C12orf50: variants seen among roughly 807,000 people sequenced by gnomAD.
The protein encoded by C12orf50 is uncharacterized protein C12orf50.
Under a neutral mutation model 61.6 loss-of-function variants are expected in C12orf50, and 35 were observed. That is an observed-to-expected ratio of 0.57 (90% confidence interval 0.43 to 0.75). The LOEUF is 0.75. Among genes scored for constraint, C12orf50 ranks in the 30% least tolerant of loss-of-function variants. C12orf50 has a pLI of 0.00. For missense variants in C12orf50, 475 were observed against 488.5 expected, an observed-to-expected ratio of 0.97 and a Z score of 0.26; for synonymous variants, 178 against 161.5, an observed-to-expected ratio of 1.10 and a Z score of -0.77.
At position 87,980,170 on chromosome 12, in the gene C12orf50, C is replaced by T. The variant is rs2030385008; in HGVS notation, c.*161G>A. The T allele has an allele frequency of 2.5e-5, 17 of 675,172 alleles. No homozygotes were observed. The South Asian group carries it at 2.9e-4, about 12-fold the overall frequency. 41.8% of individuals were successfully genotyped at this position (675,172 alleles called of 1,614,324 possible). A position where few individuals can be genotyped will look rare whatever the true frequency, so the allele number is the denominator to read the frequency against. Reference sequence around the variant, plus strand: ...AGTTTTGAAAGAGCACAATGTACTTCCTGCATCTTATTTTCAGAATTTGCA... The same window carrying T: ...AGTTTTGAAAGAGCACAATGTACTTTCTGCATCTTATTTTCAGAATTTGCA... On this transcript the variant is annotated 3_prime_UTR_variant, in exon 13 of 13. Transcript: ENST00000298699.
At chr12:88,013,899 A>G (rs2032207326) in intron 3 of C12orf50, among the ~76,000 whole-genome samples, 1 of 152,234 alleles carries the variant, frequency 6.6e-6, no homozygotes, top group Non-Finnish European at 1.5e-5. Flanking sequence ...ACGTGGAGCC[A>G]GAACTGAGAG....
chr12:87,993,562 C>G (rs1278258260), intron 7 of C12orf50, among the ~76,000 whole-genome samples: 1 of 152,036 alleles, frequency 6.6e-6, no homozygotes, highest in Non-Finnish European at 1.5e-5. Flanking sequence ...AATCAAATTA[C>G]CTTAGCACCA....
intron 3 of C12orf50, among the ~76,000 whole-genome samples, chr12:88,013,978 G>A (rs2032210781): frequency 1.3e-5 from 2 of 152,100 alleles, no homozygotes; most frequent in African/African-American, 4.8e-5. Context: ...AAGAGAACAA[G>A]TTTCAGAAAA....
At chr12:87,986,567 G>A in intron 9 of C12orf50, 151 bp from the exon 10 acceptor site, 1 of 457,304 alleles carries the variant, frequency 2.2e-6, no homozygotes, top group Non-Finnish European at 3.7e-6. Flanking sequence ...TAGAACAAAA[G>A]GTGATTTATT....
intron 3 of C12orf50, among the ~76,000 whole-genome samples, chr12:88,017,637 TG>T (rs1378907508): frequency 2.0e-5 from 3 of 152,174 alleles, no homozygotes; most frequent in Non-Finnish European, 2.9e-5. Context: ...CAGAAAAATG[TG>T]GGAAAGTTTG....
chr12:88,018,497 A>G (rs1284696097), intron 3 of C12orf50, among the ~76,000 whole-genome samples: 1 of 152,220 alleles, frequency 6.6e-6, no homozygotes, highest in Non-Finnish European at 1.5e-5. Context: ...GTGGGGCCAG[A>G]GCTGCTACAC....
intron 1 of C12orf50, chr12:88,028,013 T>G (rs2136511686): frequency 6.6e-6 from 1 of 152,348 alleles, no homozygotes; most frequent in Middle Eastern, 3.4e-3. Context: ...ACAAAGTTAA[T>G]ACTTAACTCA....
At chr12:87,991,407 C>T (rs2031114097) in intron 7 of C12orf50, among the ~76,000 whole-genome samples, 2 of 151,980 alleles carry the variant, frequency 1.3e-5, no homozygotes, top group Admixed American at 6.6e-5. Flanking sequence ...AAATAGAGAA[C>T]TGATGGAGAA....
intron 3 of C12orf50, among the ~76,000 whole-genome samples, chr12:87,999,644 G>T (rs1211850902): frequency 6.6e-6 from 1 of 152,078 alleles, no homozygotes; most frequent in Non-Finnish European, 1.5e-5. Context: ...GTCATCACAT[G>T]TCCCATCTAT....
rs116424812 is a variant in C12orf50, at chr12:87,982,114, A to G, written c.1219+989T>C. Among the ~76,000 whole-genome samples the G allele has an allele frequency of 6.6e-3, 999 of 152,194 alleles. 13 individuals carry two copies. Among genetic ancestry groups the G allele is most frequent in the African/African-American group, 0.023 (960 of 41,528 alleles). On this transcript the variant is annotated intron_variant, in intron 12 of 12. Transcript: ENST00000298699. Reference sequence around the variant, plus strand: ...AGGAGCACATCCCTTAATACTCCAAATATCACTTCACCCATAGGAGGATCA... The same window carrying G: ...AGGAGCACATCCCTTAATACTCCAAGTATCACTTCACCCATAGGAGGATCA...
chr12:88,020,133 A>G (rs1418098720), intron 3 of C12orf50, among the ~76,000 whole-genome samples: 3 of 152,192 alleles, frequency 2.0e-5, no homozygotes. Flanking sequence ...CCACACAAAC[A>G]AGTGTGCACA....
At chr12:88,023,990 A>G (rs1246470252) in intron 3 of C12orf50, among the ~76,000 whole-genome samples, 1 of 152,246 alleles carries the variant, frequency 6.6e-6, no homozygotes. Flanking sequence ...ACGCTTTTCA[A>G]AAGAAGACAT....
At chr12:88,029,147 T>TA in intron 1 of C12orf50, 193 bp downstream of exon 1, 1 of 1,253,378 alleles carries the variant, frequency 8.0e-7, no homozygotes, top group Non-Finnish European at 1.0e-6. Context: ...GCTAATCCAA[T>TA]GGTTTTTTTT....
intron 12 of C12orf50, 126 bp from the exon 13 acceptor site, chr12:87,980,482 C>A: frequency 2.4e-6 from 2 of 822,818 alleles, no homozygotes; most frequent in Non-Finnish European, 3.9e-6. Flanking sequence ...ACTGTTTTAA[C>A]TTATAAATTT....
intron 3 of C12orf50, among the ~76,000 whole-genome samples, chr12:88,002,292 A>T (rs939403054): frequency 2.6e-5 from 4 of 151,752 alleles, no homozygotes; most frequent in East Asian, 1.9e-4. Context: ...TATATTTGTA[A>T]ATGTCTCAAT....
chr12:87,990,696 A>G (rs56360200), intron 7 of C12orf50, among the ~76,000 whole-genome samples: 4,369 of 152,072 alleles, frequency 0.029, 106 homozygotes, highest in Non-Finnish European at 0.04. Context: ...CTAATTCATC[A>G]TGTAAGGAAA....
chr12:88,026,568 A>C lies in C12orf50; in HGVS notation c.53T>G (p.Leu18Arg), dbSNP rs760881838. The C allele has an allele frequency of 1.9e-6, 3 of 1,613,768 alleles. No homozygotes were observed. Among genetic ancestry groups the C allele is most frequent in the East Asian group, 4.5e-5 (2 of 44,872 alleles). The change falls in exon 3 of 13, where the codon CTT (leucine) becomes CGT (arginine). Residue 18 changes from leucine to arginine, a missense_variant. By Grantham distance (102) the Leu-to-Arg change is moderately radical (BLOSUM62 -2). Transcript: ENST00000298699. Reference sequence around the variant, plus strand: ...GATACAGCTGATCTTCACACAACCAAGAGGCTGAGTTTCCCAGAAGCATGA... The same window carrying C: ...GATACAGCTGATCTTCACACAACCACGAGGCTGAGTTTCCCAGAAGCATGA... Reference protein sequence around the residue: ...SISCFWETQPLGCVKISCIFY... With the variant: ...SISCFWETQPRGCVKISCIFY...
intron 7 of C12orf50, among the ~76,000 whole-genome samples, chr12:87,993,239 A>G (rs2031210724): frequency 6.6e-6 from 1 of 152,176 alleles, no homozygotes; most frequent in African/African-American, 2.4e-5. Flanking sequence ...AACGTGAAGG[A>G]AAGTTTATTT....
chr12:88,004,539 C>G (rs1034091330), intron 3 of C12orf50, among the ~76,000 whole-genome samples: 1 of 152,154 alleles, frequency 6.6e-6, no homozygotes, highest in Non-Finnish European at 1.5e-5. Flanking sequence ...CCAGCAATCC[C>G]ATTATTGGGT....
Sources: gnomAD v4.1 joint callset for allele counts (sites outside exome capture counted in the v4.1 genomes callset) on GRCh38, gnomAD v4.1.1 for gene constraint, MANE v1.5 for transcripts, NCBI Gene and HGNC (gene_info 2026-07-23, HGNC 2026-07-21) for gene names.